The following CHM variants were observed in gnomAD, a reference collection of about 807,000 sequenced individuals.
The protein encoded by CHM is rab proteins geranylgeranyltransferase component A 1.
Under a neutral mutation model 49.0 loss-of-function variants are expected in CHM, and 10 were observed. That is an observed-to-expected ratio of 0.20 (90% CI 0.13 to 0.35). The LOEUF (loss-of-function observed/expected upper bound fraction) is 0.35, where lower values mean the gene tolerates loss of function less well. Ranked by LOEUF, CHM falls within the 10% of genes least tolerant of loss-of-function variation. CHM has a pLI of 1.00. For synonymous variants in CHM, 184 were observed against 167.5 expected (o/e 1.10, Z -0.76); for missense variants, 455 against 478.4 (o/e 0.95, Z 0.46).
At chrX:86,013,258 A>G (rs1933151963) in intron 2 of CHM, among the ~76,000 whole-genome samples, 1 of 111,048 alleles carries the variant, frequency 9.0e-6, no homozygotes, top group African/African-American at 3.3e-5. Flanking sequence ...AGCTCGGGGA[A>G]CCACCAAACT....
intron 2 of CHM, among the ~76,000 whole-genome samples, chrX:86,003,895 T>A (rs2147752668): frequency 9.0e-6 from 1 of 111,412 alleles, no homozygotes; most frequent in Admixed American, 9.5e-5. Context: ...ACATTCAAAT[T>A]CAGGAAATAC....
At chrX:85,890,778 T>C (rs939907620) in intron 12 of CHM, among the ~76,000 whole-genome samples, 1 of 111,734 alleles carries the variant, frequency 8.9e-6, no homozygotes, top group African/African-American at 3.3e-5. Flanking sequence ...GTTGAAAAGA[T>C]ACCCGAAAAT....
chrX:85,964,992 C>T (rs1184272860), intron 4 of CHM, among the ~76,000 whole-genome samples: 7 of 110,222 alleles, frequency 6.4e-5, no homozygotes, highest in African/African-American at 2.3e-4. Flanking sequence ...GTAGCCCTAA[C>T]AGTAGCCCTT....
At chrX:85,890,429 G>A (rs1221154362) in intron 12 of CHM, among the ~76,000 whole-genome samples, 1 of 111,788 alleles carries the variant, frequency 8.9e-6, no homozygotes, top group South Asian at 3.8e-4. Context: ...AACTTGAATT[G>A]TATCTCCCAG....
intron 2 of CHM, among the ~76,000 whole-genome samples, chrX:86,010,821 A>G (rs1933043547): frequency 1.8e-5 from 2 of 112,136 alleles, no homozygotes; most frequent in South Asian, 7.5e-4. Context: ...GGTATATTTC[A>G]AAGAATGCTG....
chrX:85,942,233 G>A (rs1603257695), intron 8 of CHM, among the ~76,000 whole-genome samples: 1 of 108,796 alleles, frequency 9.2e-6, no homozygotes, highest in African/African-American at 3.3e-5. Context: ...AGTACTAACG[G>A]CAACATTTTC....
At chrX:85,897,656 C>T (rs1326224855) in intron 11 of CHM, among the ~76,000 whole-genome samples, 1 of 110,320 alleles carries the variant, frequency 9.1e-6, no homozygotes, top group African/African-American at 3.3e-5. Context: ...ATCAGGAAGA[C>T]TTGGATTAGG....
chrX:85,997,825 T>G (rs748753350), intron 2 of CHM, among the ~76,000 whole-genome samples: 1 of 111,057 alleles, frequency 9.0e-6, no homozygotes, highest in Admixed American at 9.6e-5. Flanking sequence ...TGGCACATGC[T>G]TGTAATCCTA....
chrX:85,972,655 C>T (rs760499659), intron 4 of CHM, among the ~76,000 whole-genome samples: 170 of 112,770 alleles, frequency 1.5e-3, no homozygotes, highest in African/African-American at 4.9e-3. Flanking sequence ...GCTCCGAGTG[C>T]GGGGCCCGCC....
At chrX:85,980,790 T>G (rs1327871224) in intron 3 of CHM, among the ~76,000 whole-genome samples, 2 of 111,068 alleles carry the variant, frequency 1.8e-5, no homozygotes, top group Non-Finnish European at 3.8e-5. Flanking sequence ...TGACTCTCCA[T>G]ATTATGCTAT....
At position 86,035,706 on chromosome X, in the gene CHM, A is replaced by G. The variant is rs73506502; in HGVS notation, c.50-8149T>C. On this transcript the variant is annotated intron_variant, in intron 1 of 14. Coordinates refer to ENST00000357749, the MANE Select transcript of CHM (RefSeq NM_000390.4). ...ATATATACAGATAGAATGATACGAT[A>G]TTTAGGATTTGCTTCAAAATAACAG... Among the ~76,000 whole-genome samples the G allele has an allele frequency of 8.9e-3, 981 of 110,028 alleles. 10 individuals carry two copies. Among genetic ancestry groups the G allele is most frequent in the African/African-American group, 0.03 (920 of 30,254 alleles).
At chrX:85,900,620 T>C (rs374300580) in intron 11 of CHM, 26 bp downstream of exon 11, 127 of 983,707 alleles carry the variant, frequency 1.3e-4, no homozygotes, top group Non-Finnish European at 1.7e-4. Flanking sequence ...ACAACTTTTA[T>C]TAAAAATATA....
intron 8 of CHM, among the ~76,000 whole-genome samples, chrX:85,916,285 A>G (rs1199087551): frequency 8.9e-6 from 1 of 112,164 alleles, no homozygotes; most frequent in Non-Finnish European, 1.9e-5. Context: ...CTTACACCAT[A>G]TATATATCTA....
At chrX:85,979,520 G>C (rs185390538) in intron 3 of CHM, among the ~76,000 whole-genome samples, 315 of 111,827 alleles carry the variant, frequency 2.8e-3, no homozygotes, top group African/African-American at 9.8e-3. Flanking sequence ...AGGGTTGAAA[G>C]TGGTCCGTTA....
intron 14 of CHM, among the ~76,000 whole-genome samples, chrX:85,868,491 TAATG>T (rs1923850385): frequency 8.9e-6 from 1 of 111,746 alleles, no homozygotes; most frequent in Non-Finnish European, 1.9e-5. Flanking sequence ...TCCGTTCCCC[TAATG>T]GTCTTTTTGT....
At chrX:86,020,087 T>C (rs1933476482) in intron 2 of CHM, among the ~76,000 whole-genome samples, 2 of 111,528 alleles carry the variant, frequency 1.8e-5, no homozygotes, top group African/African-American at 6.5e-5. Context: ...TAATTTCAAC[T>C]CTCATGAACC....
intron 5 of CHM, 65 bp downstream of exon 5, chrX:85,963,600 C>T: frequency 2.0e-6 from 2 of 986,022 alleles, no homozygotes; most frequent in Non-Finnish European, 2.8e-6. Flanking sequence ...CAGAGAATTA[C>T]AAAAACTGGG....
chrX:85,911,129 G>GTGTGTATATA (rs1219677231), intron 9 of CHM, 132 bp downstream of exon 9: 1 of 6,899 alleles, frequency 1.4e-4, no homozygotes, highest in Non-Finnish European at 3.1e-4. Context: ...GTGTGTATAT[G>GTGTGTATATA]TATATATATA....
intron 13 of CHM, among the ~76,000 whole-genome samples, chrX:85,873,667 A>T (rs2148121233): frequency 9.0e-6 from 1 of 110,964 alleles, no homozygotes; most frequent in Admixed American, 9.6e-5. Flanking sequence ...AATTGGTATG[A>T]CGTTTCTTTT....
Sources: allele counts gnomAD v4.1 joint callset (sites outside exome capture counted in the v4.1 genomes callset), GRCh38; gene constraint gnomAD v4.1.1; transcripts MANE v1.5; gene names NCBI Gene and HGNC (gene_info 2026-07-23, HGNC 2026-07-21).